The following ZMYM6 variants were observed in gnomAD, a reference collection of about 807,000 sequenced individuals.
ZMYM6 encodes the protein zinc finger MYM-type containing 6.
Under a neutral mutation model 134.0 loss-of-function variants are expected in ZMYM6, and 90 were observed. The observed-to-expected ratio is 0.67, with a 90% CI of 0.57 to 0.80. The LOEUF is 0.80. Among genes scored for constraint, ZMYM6 ranks in the 30% least tolerant of loss-of-function variants. The pLI, the probability that ZMYM6 is intolerant of heterozygous loss-of-function variation, is 0.00. For synonymous variants in ZMYM6, 481 were observed against 524.1 expected, an observed-to-expected ratio of 0.92 and a Z score of 1.12; for missense variants, 1,362 against 1,533.9, an observed-to-expected ratio of 0.89 and a Z score of 1.87.
At chr1:35,021,964 CAAT>C (rs1641320251) in intron 2 of ZMYM6, among the ~76,000 whole-genome samples, 2 of 152,222 alleles carry the variant, frequency 1.3e-5, no homozygotes, top group South Asian at 4.1e-4. Flanking sequence ...TTTTCTGAAT[CAAT>C]GATGGTAATA....
intron 10 of ZMYM6, among the ~76,000 whole-genome samples, chr1:35,009,498 T>G (rs1641046046): frequency 6.6e-6 from 1 of 152,228 alleles, no homozygotes; most frequent in Non-Finnish European, 1.5e-5. Context: ...AGCAACTGTT[T>G]TAAGTTCCTC....
At chr1:35,028,612 G>C (rs551251399) in intron 2 of ZMYM6, among the ~76,000 whole-genome samples, 146 of 151,456 alleles carry the variant, frequency 9.6e-4, no homozygotes, top group African/African-American at 3.1e-3. Context: ...CCATTCTCCT[G>C]CCTCAGCCTC....
chr1:35,030,345 T>C (rs978746347), intron 2 of ZMYM6: 20 of 545,850 alleles, frequency 3.7e-5, no homozygotes, highest in Non-Finnish European at 6.1e-5. Context: ...GGTGGGAAGA[T>C]CACTTGAGCC....
intron 14 of ZMYM6, among the ~76,000 whole-genome samples, chr1:34,998,263 C>A (rs561589263): frequency 1.3e-4 from 20 of 152,238 alleles, no homozygotes; most frequent in African/African-American, 4.8e-4. Flanking sequence ...GGGCAAGACT[C>A]CGTCTCAAAA....
At position 34,987,877 on chromosome 1, in the gene ZMYM6, C is replaced by T; in HGVS notation, c.3205G>A (p.Glu1069Lys). 1 of 1,551,566 alleles carries T rather than the reference C, an allele frequency of 6.4e-7. No individual in the cohort carries two copies. Among genetic ancestry groups the T allele is most frequent in the Non-Finnish European group, 8.7e-7 (1 of 1,146,938 alleles). Residue 1069 changes from glutamate (E) to lysine (K), a missense_variant, in exon 16 of 16, where the codon GAA becomes AAA. Physicochemically the swap from Glu to Lys is moderately conservative, Grantham distance 56. Transcript: ENST00000357182. ...SEHVSLPLHA[E>K]VRWISRGRML... The stretch of plus-strand genomic sequence containing the variant: ...CTCCCTCTTGATATCCAACGTACTT[C>T]AGCATGAAGCGGTAAACTCACATGC...
At chr1:35,005,768 G>A (rs1445566803) in intron 12 of ZMYM6, among the ~76,000 whole-genome samples, 1 of 152,080 alleles carries the variant, frequency 6.6e-6, no homozygotes, top group Non-Finnish European at 1.5e-5. Context: ...ATAAGTTAAT[G>A]AGGGAGCTGT....
At chr1:34,989,165 G>T in intron 15 of ZMYM6, 1 of 1,299,622 alleles carries the variant, frequency 7.7e-7, no homozygotes, top group Non-Finnish European at 9.8e-7. Flanking sequence ...TGTAGGATGT[G>T]GTACATGTAC....
At chr1:34,998,511 A>G (rs1293831991) in intron 14 of ZMYM6, among the ~76,000 whole-genome samples, 3 of 152,194 alleles carry the variant, frequency 2.0e-5, no homozygotes, top group Non-Finnish European at 4.4e-5. Context: ...TTCTGGTAAC[A>G]GTGTAGAGAA....
chr1:34,990,350 G>GCA, intron 15 of ZMYM6: 3 of 230,594 alleles, frequency 1.3e-5, no homozygotes, highest in South Asian at 4.4e-5. Context: ...GGGCATGGTG[G>GCA]CAGGTGCCTG....
intron 14 of ZMYM6, among the ~76,000 whole-genome samples, chr1:35,002,067 T>C (rs1467946547): frequency 6.6e-6 from 1 of 152,240 alleles, no homozygotes; most frequent in Non-Finnish European, 1.5e-5. Context: ...CAAAAGCCTA[T>C]GGCAGTCACT....
At chr1:35,002,363 G>A (rs969807250) in intron 14 of ZMYM6, among the ~76,000 whole-genome samples, 1 of 152,178 alleles carries the variant, frequency 6.6e-6, no homozygotes, top group African/African-American at 2.4e-5. Flanking sequence ...GCTTGCCAGT[G>A]CATTTTTATA....
At chr1:35,003,759 C>T (rs1459385750) in intron 14 of ZMYM6, 2 of 508,422 alleles carry the variant, frequency 3.9e-6, no homozygotes, top group African/African-American at 4.0e-5. Context: ...TCCACATTTA[C>T]ATCATCTTCA....
At chr1:34,990,585 C>G (rs12079438) in intron 15 of ZMYM6, among the ~76,000 whole-genome samples, 4 of 151,990 alleles carry the variant, frequency 2.6e-5, no homozygotes. Context: ...GACAAAGATC[C>G]ATTAACATAG....
chr1:35,024,870 T>C (rs1184303541), intron 2 of ZMYM6, among the ~76,000 whole-genome samples: 1 of 151,998 alleles, frequency 6.6e-6, no homozygotes, highest in Non-Finnish European at 1.5e-5. Flanking sequence ...GACTGTGATT[T>C]TGTATTTTTT....
chr1:34,995,664 C>T (rs187391702), intron 14 of ZMYM6, among the ~76,000 whole-genome samples: 4 of 152,090 alleles, frequency 2.6e-5, no homozygotes, highest in Admixed American at 6.6e-5. Flanking sequence ...GATTTACATC[C>T]CAGGCAGAAT....
At chr1:35,031,214 C>T (rs1641517199) in intron 1 of ZMYM6, 1 of 152,300 alleles carries the variant, frequency 6.6e-6, no homozygotes, top group Non-Finnish European at 1.5e-5. Context: ...CTCAAGATGC[C>T]ATCCATCGCA....
intron 1 of ZMYM6, among the ~76,000 whole-genome samples, chr1:35,030,994 C>T (rs1353620686): frequency 6.6e-6 from 1 of 152,202 alleles, no homozygotes; most frequent in African/African-American, 2.4e-5. Flanking sequence ...ATTAGACCAG[C>T]AGACCAAGAC....
At chr1:35,030,770 A>G in intron 1 of ZMYM6, 57 bp from the exon 2 acceptor site, 1 of 944,984 alleles carries the variant, frequency 1.1e-6, no homozygotes, top group Non-Finnish European at 1.6e-6. Context: ...TATGAAAGAA[A>G]AACTTTGTGT....
chr1:35,025,755 G>C (rs1457074173), intron 2 of ZMYM6, among the ~76,000 whole-genome samples: 1 of 152,088 alleles, frequency 6.6e-6, no homozygotes, highest in Non-Finnish European at 1.5e-5. Flanking sequence ...AAGGGTTTGG[G>C]CTCTTGAATC....
Sources: gnomAD v4.1 joint callset for allele counts (sites outside exome capture counted in the v4.1 genomes callset) on GRCh38, gnomAD v4.1.1 for gene constraint, MANE v1.5 for transcripts, NCBI Gene and HGNC (gene_info 2026-07-23, HGNC 2026-07-21) for gene names.